The following EPHA6 variants were observed in gnomAD, a reference collection of about 807,000 sequenced individuals.
EPHA6 encodes ephrin type-A receptor 6.
In EPHA6, 50 loss-of-function variants were observed where a neutral mutation model predicts 112.0. The ratio of observed to expected loss-of-function variants is 0.45; its 90% CI spans 0.36 to 0.56. EPHA6 has a LOEUF of 0.56. Ranked by LOEUF, EPHA6 falls within the 20% of genes least tolerant of loss-of-function variation. EPHA6 has a pLI of 0.00. For missense variants in EPHA6, 1,280 were observed against 1,417.4 expected, an observed-to-expected ratio of 0.90 and a Z score of 1.56; for synonymous variants, 529 against 490.7, an observed-to-expected ratio of 1.08 and a Z score of -1.03.
intron 3 of EPHA6, among the ~76,000 whole-genome samples, chr3:97,033,055 A>G (rs1023922966): frequency 6.6e-6 from 1 of 151,820 alleles, no homozygotes; most frequent in Non-Finnish European, 1.5e-5. Context: ...CAAATGTGGA[A>G]AAAAAGAAAG....
intron 3 of EPHA6, among the ~76,000 whole-genome samples, chr3:97,041,051 T>G (rs2045294697): frequency 6.6e-6 from 1 of 152,130 alleles, no homozygotes; most frequent in Non-Finnish European, 1.5e-5. Context: ...ATTAGTTTGC[T>G]TGTTTATAAA....
intron 3 of EPHA6, among the ~76,000 whole-genome samples, chr3:97,068,460 G>GTT (rs1035136088): frequency 3.3e-5 from 5 of 152,126 alleles, no homozygotes; most frequent in Non-Finnish European, 7.4e-5. Flanking sequence ...AAATATAGCT[G>GTT]TAAGAAGAGA....
chr3:97,343,036 T>C (rs1201628860), intron 5 of EPHA6, among the ~76,000 whole-genome samples: 11 of 152,188 alleles, frequency 7.2e-5, no homozygotes. Context: ...AGGTATGTGC[T>C]AGAAAAAGCC....
intron 7 of EPHA6, among the ~76,000 whole-genome samples, chr3:97,460,755 C>T (rs1321944276): frequency 6.6e-6 from 1 of 152,124 alleles, no homozygotes; most frequent in Non-Finnish European, 1.5e-5. Context: ...CAGAAGAAGA[C>T]CATCCCAGCT....
At chr3:97,186,417 C>A (rs1394214176) in intron 3 of EPHA6, among the ~76,000 whole-genome samples, 1 of 152,044 alleles carries the variant, frequency 6.6e-6, no homozygotes, top group Non-Finnish European at 1.5e-5. Flanking sequence ...ATTCCATGTA[C>A]CAGTATCCAA....
chr3:97,211,243 C>T (rs2077865679), intron 3 of EPHA6, among the ~76,000 whole-genome samples: 1 of 152,060 alleles, frequency 6.6e-6, no homozygotes, highest in Non-Finnish European at 1.5e-5. Context: ...AACAATCTGC[C>T]ACAGTACATT....
At chr3:97,594,140 T>C (rs1163498280) in intron 12 of EPHA6, among the ~76,000 whole-genome samples, 2 of 152,192 alleles carry the variant, frequency 1.3e-5, no homozygotes, top group Non-Finnish European at 2.9e-5. Context: ...CACCCTTAAC[T>C]CTTAATGACA....
chr3:96,896,082 C>T (rs779639863), intron 2 of EPHA6, among the ~76,000 whole-genome samples: 1 of 152,132 alleles, frequency 6.6e-6, no homozygotes, highest in Non-Finnish European at 1.5e-5. Context: ...AATGTATCCC[C>T]GTTGTTAAGC....
At chr3:97,695,768 T>C (rs1264216962) in intron 14 of EPHA6, among the ~76,000 whole-genome samples, 1 of 152,152 alleles carries the variant, frequency 6.6e-6, no homozygotes, top group Non-Finnish European at 1.5e-5. Context: ...CTCGATCTCT[T>C]GACCTCGTGA....
chr3:96,903,837 C>T (rs552901442), intron 2 of EPHA6, among the ~76,000 whole-genome samples: 2 of 152,104 alleles, frequency 1.3e-5, no homozygotes, highest in Non-Finnish European at 2.9e-5. Context: ...ATTTATGCAG[C>T]CAAAAGACAC....
At chr3:97,314,760 A>G (rs1238910204) in intron 5 of EPHA6, among the ~76,000 whole-genome samples, 2 of 151,552 alleles carry the variant, frequency 1.3e-5, no homozygotes, top group African/African-American at 2.4e-5. Flanking sequence ...ATAGAAGTTA[A>G]GTTGAAGATG....
At chr3:97,661,275 T>G (rs1189924064) in intron 14 of EPHA6, among the ~76,000 whole-genome samples, 2 of 151,608 alleles carry the variant, frequency 1.3e-5, no homozygotes, top group Non-Finnish European at 2.9e-5. Flanking sequence ...AAGATTGTAC[T>G]CCCTAACGCT....
chr3:97,041,458 C>A (rs746399698), intron 3 of EPHA6, among the ~76,000 whole-genome samples: 40 of 151,994 alleles, frequency 2.6e-4, no homozygotes, highest in Non-Finnish European at 5.3e-4. Flanking sequence ...GAGAATTTTG[C>A]CCTGTTATAA....
chr3:97,042,649 C>T (rs936100660), intron 3 of EPHA6, among the ~76,000 whole-genome samples: 14 of 152,040 alleles, frequency 9.2e-5, no homozygotes, highest in African/African-American at 2.4e-4. Context: ...TAGATCTAGC[C>T]GTGGTTCCAA....
At chr3:96,979,214 C>A (rs562797535) in intron 2 of EPHA6, among the ~76,000 whole-genome samples, 1 of 131,890 alleles carries the variant, frequency 7.6e-6, no homozygotes, top group Non-Finnish European at 1.6e-5. Flanking sequence ...TCCCCTCCCC[C>A]CACCCCACCA....
chr3:96,936,758 A>C (rs547128328), intron 2 of EPHA6, among the ~76,000 whole-genome samples: 1 of 150,200 alleles, frequency 6.7e-6, no homozygotes, highest in South Asian at 2.1e-4. Context: ...ATCCCTCACC[A>C]CTCCTCCGAC....
chr3:96,931,828 C>G (rs1462220701), intron 2 of EPHA6, among the ~76,000 whole-genome samples: 2 of 152,152 alleles, frequency 1.3e-5, no homozygotes. Flanking sequence ...CTGGATTCAG[C>G]CCGCTTCCTA....
Position 97,538,982 on chromosome 3 carries a change from T to C in EPHA6, c.2386+6439T>C, listed in dbSNP as rs148384499. Among the ~76,000 whole-genome samples, 266 of 31,348 alleles carry C rather than the reference T, an allele frequency of 8.5e-3. 2 individuals carry two copies. The highest frequency in any genetic ancestry group is 0.045 in the African/African-American group (247 of 5,528). 20.6% of individuals were successfully genotyped at this position (31,348 alleles called of 152,430 possible). A position where few individuals can be genotyped will look rare whatever the true frequency, so the allele number is the denominator to read the frequency against. ...TACTACATACTGGACACTTTCTCTCTCTTTCTTTCTTTCTTTCTTTCTTTC... is the reference window on the plus strand; with the variant it reads ...TACTACATACTGGACACTTTCTCTCCCTTTCTTTCTTTCTTTCTTTCTTTC... On this transcript the variant is annotated intron_variant, in intron 11 of 17. Transcript: ENST00000389672.
intron 5 of EPHA6, among the ~76,000 whole-genome samples, chr3:97,393,565 T>G (rs1190791113): frequency 6.6e-6 from 1 of 151,832 alleles, no homozygotes; most frequent in Non-Finnish European, 1.5e-5. Context: ...ATACAGAGAA[T>G]TTTCACTCTG....
Sources: allele counts gnomAD v4.1 joint callset (sites outside exome capture counted in the v4.1 genomes callset), GRCh38; gene constraint gnomAD v4.1.1; transcripts MANE v1.5; gene names NCBI Gene and HGNC (gene_info 2026-07-23, HGNC 2026-07-21).